LRP1B: variants seen among roughly 807,000 people sequenced by gnomAD.
LRP1B encodes LDL receptor related protein 1B, also known as low-density lipoprotein receptor-related protein 1B.
LRP1B carries 217 observed loss-of-function variants against 556.6 expected under a neutral mutation model. That is an observed-to-expected ratio of 0.39 (90% CI 0.35 to 0.44). LRP1B has a LOEUF of 0.44. LRP1B is among the 20% of genes least tolerant of loss of function. LRP1B has a pLI of 1.00. For missense variants in LRP1B, 5,053 were observed against 5,620.8 expected, an observed-to-expected ratio of 0.90 and a Z score of 3.23; for synonymous variants, 2,047 against 1,865.8, an observed-to-expected ratio of 1.10 and a Z score of -2.50.
chr2:141,990,168 C>T (rs911573177), intron 1 of LRP1B, among the ~76,000 whole-genome samples: 1 of 151,970 alleles, frequency 6.6e-6, no homozygotes, highest in Non-Finnish European at 1.5e-5. Context: ...TAATCTTTTA[C>T]CAACTGACGT....
rs781099846 is a variant in LRP1B, at chr2:140,886,146, T to C, written c.3956A>G (p.Glu1319Gly). ...AATTATAATATATGTACCTCCACTT[T>C]CAGAAAGCTTTCCCCGGTATATTCT... ...EDRIYRGKLS[E>G]SGGVSAIEVV... Residue 1319 changes from glutamate to glycine, a missense_variant, in exon 24 of 91, where the codon GAA becomes GGA. By Grantham distance (98) the Glu-to-Gly change is moderately conservative. This residue lies in a region of LRP1B where 3,619 missense variants were observed against 3,931.9 expected (regional missense o/e 0.92). Coordinates refer to ENST00000389484, the MANE Select transcript of LRP1B (RefSeq NM_018557.3). 2 of 1,583,516 alleles carry C rather than the reference T, an allele frequency of 1.3e-6. No individual in the cohort carries two copies. The highest frequency in any genetic ancestry group is 4.5e-5 in the East Asian group (2 of 44,196).
chr2:141,110,418 C>A (rs1013751020), intron 7 of LRP1B, among the ~76,000 whole-genome samples: 1 of 152,130 alleles, frequency 6.6e-6, no homozygotes, highest in South Asian at 2.1e-4. Flanking sequence ...ATTAAACTGC[C>A]AAAGGACAGA....
chr2:140,827,129 G>A (rs558722454), intron 31 of LRP1B, among the ~76,000 whole-genome samples: 1 of 152,206 alleles, frequency 6.6e-6, no homozygotes, highest in East Asian at 1.9e-4. Flanking sequence ...ACAAGTGACT[G>A]CAAAGAAACT....
chr2:141,187,655 T>C lies in LRP1B; in HGVS notation c.1013+766A>G, dbSNP rs116716927. ...TGGCCCTCTAATAATACCACCATAT[T>C]TGTAAAATAAAAGCATAATTCCTGT... On this transcript the variant is annotated intron_variant, in intron 7 of 90. Coordinates refer to ENST00000389484, the MANE Select transcript of LRP1B (RefSeq NM_018557.3). Among the ~76,000 whole-genome samples the C allele has an allele frequency of 2.9e-3, 434 of 152,130 alleles. 4 individuals carry two copies. The highest frequency in any genetic ancestry group is 9.9e-3 in the African/African-American group (411 of 41,538).
chr2:141,969,616 G>A (rs1041448053), intron 1 of LRP1B, among the ~76,000 whole-genome samples: 5 of 151,526 alleles, frequency 3.3e-5, no homozygotes, highest in African/African-American at 1.2e-4. Context: ...GTATTCCACT[G>A]TGTTTCTACA....
intron 20 of LRP1B, among the ~76,000 whole-genome samples, chr2:140,937,241 C>T (rs910096655): frequency 1.3e-5 from 2 of 152,042 alleles, no homozygotes; most frequent in Non-Finnish European, 2.9e-5. Flanking sequence ...ATGACAGAAG[C>T]CCCTCCTGAT....
chr2:141,330,747 C>CTTTTTT (rs530844983), intron 3 of LRP1B, among the ~76,000 whole-genome samples: 2 of 107,858 alleles, frequency 1.9e-5, no homozygotes, highest in Non-Finnish European at 3.7e-5. Flanking sequence ...GGCTAACAAA[C>CTTTTTT]TTTTTTTTTT....
chr2:140,263,100 A>T (rs1339724065), intron 86 of LRP1B, among the ~76,000 whole-genome samples: 4 of 152,004 alleles, frequency 2.6e-5, no homozygotes, highest in Non-Finnish European at 1.5e-5. Context: ...ATTTTGGTAG[A>T]GATGGACCAA....
intron 3 of LRP1B, among the ~76,000 whole-genome samples, chr2:141,458,422 T>C (rs1681719400): frequency 6.6e-6 from 1 of 152,172 alleles, no homozygotes; most frequent in Admixed American, 6.6e-5. Context: ...TTGTCTGCAT[T>C]TTGGCAACGT....
rs547965802 is a variant in LRP1B, at chr2:140,274,646, T to C, written c.12968-48A>G. Reference sequence around the variant, plus strand: ...AAAAATAAAATTATATTACAGGACATTTTTCTTCAGTCATAATTAAGGTGA... The same window carrying C: ...AAAAATAAAATTATATTACAGGACACTTTTCTTCAGTCATAATTAAGGTGA... On this transcript the variant is annotated intron_variant, in intron 84 of 90. Transcript: ENST00000389484. 998 of 1,513,466 alleles carry C rather than the reference T, an allele frequency of 6.6e-4. 25 individuals are homozygous for C. The South Asian group carries it at 9.8e-3, about 15-fold the overall frequency. 93.8% of individuals were successfully genotyped at this position (1,513,466 alleles called of 1,614,324 possible).
At chr2:141,663,974 C>T (rs1018761625) in intron 2 of LRP1B, among the ~76,000 whole-genome samples, 4 of 148,396 alleles carry the variant, frequency 2.7e-5, no homozygotes, top group African/African-American at 9.9e-5. Flanking sequence ...CCCTGATGAA[C>T]ATCGATGCAA....
chr2:140,979,210 C>T (rs1558778405), intron 18 of LRP1B, among the ~76,000 whole-genome samples: 1 of 152,106 alleles, frequency 6.6e-6, no homozygotes, highest in Non-Finnish European at 1.5e-5. Context: ...AACTCTTGGC[C>T]TCAAGCGATC....
intron 1 of LRP1B, among the ~76,000 whole-genome samples, chr2:141,818,963 A>G (rs1049361330): frequency 6.6e-6 from 1 of 151,140 alleles, no homozygotes; most frequent in Non-Finnish European, 1.5e-5. Context: ...CTTTCTGGCC[A>G]GGTGCGGTGG....
At chr2:141,968,624 T>C (rs1701631919) in intron 1 of LRP1B, among the ~76,000 whole-genome samples, 1 of 151,822 alleles carries the variant, frequency 6.6e-6, no homozygotes, top group Admixed American at 6.6e-5. Flanking sequence ...AGTTTCCAAA[T>C]TGTAGAAATA....
intron 1 of LRP1B, among the ~76,000 whole-genome samples, chr2:141,961,357 G>C (rs2105055116): frequency 6.6e-6 from 1 of 151,750 alleles, no homozygotes; most frequent in African/African-American, 2.4e-5. Context: ...TTGGGAGAGA[G>C]GAGACAAGAT....
intron 41 of LRP1B, among the ~76,000 whole-genome samples, chr2:140,699,628 T>TC (rs1160863946): frequency 6.6e-6 from 1 of 151,048 alleles, no homozygotes; most frequent in Admixed American, 6.6e-5. Flanking sequence ...AAGATGGTTT[T>TC]TGTTAAACTT....
intron 37 of LRP1B, among the ~76,000 whole-genome samples, chr2:140,713,502 T>C (rs914331474): frequency 5.3e-5 from 8 of 151,994 alleles, no homozygotes; most frequent in African/African-American, 1.7e-4. Flanking sequence ...ATGTTACAAC[T>C]TCGATAAACT....
At chr2:140,856,618 G>A (rs767740728) in intron 27 of LRP1B, among the ~76,000 whole-genome samples, 1 of 152,076 alleles carries the variant, frequency 6.6e-6, no homozygotes, top group African/African-American at 2.4e-5. Context: ...TGAATGAAGA[G>A]GTGTGACTGT....
intron 2 of LRP1B, among the ~76,000 whole-genome samples, chr2:141,630,497 T>C (rs140912983): frequency 2.0e-5 from 3 of 152,322 alleles, no homozygotes; most frequent in African/African-American, 7.2e-5. Context: ...TTTTAAAATT[T>C]GTTTCATTCT....
Sources: gnomAD v4.1 joint callset for allele counts (sites outside exome capture counted in the v4.1 genomes callset) on GRCh38, gnomAD v4.1.1 for gene constraint, gnomAD v4.1.1 regional missense constraint, MANE v1.5 for transcripts, NCBI Gene and HGNC (gene_info 2026-07-23, HGNC 2026-07-21) for gene names.